Variants in WWP2 observed in about 807,000 individuals in gnomAD.
WWP2 encodes the protein WW domain containing E3 ubiquitin protein ligase 2, also known as NEDD4-like E3 ubiquitin-protein ligase WWP2.
A neutral mutation model predicts 121.0 loss-of-function variants in WWP2; 57 were observed. The observed-to-expected ratio is 0.47, with a 90% CI of 0.38 to 0.59. WWP2 has a LOEUF of 0.59. Among genes scored for constraint, WWP2 ranks in the 20% least tolerant of loss-of-function variants. The pLI, the probability that WWP2 is intolerant of heterozygous loss-of-function variation, is 0.00. For missense variants in WWP2, 962 were observed against 1,158.9 expected, an observed-to-expected ratio of 0.83 and a Z score of 2.47; for synonymous variants, 449 against 441.3, an observed-to-expected ratio of 1.02 and a Z score of -0.22.
chr16:69,929,568 G>A, intron 12 of WWP2, 39 bp downstream of exon 12: 4 of 1,587,964 alleles, frequency 2.5e-6, no homozygotes, highest in Non-Finnish European at 3.5e-6. Flanking sequence ...GGCTGGGCTG[G>A]GTCTCTGTGC....
chr16:69,764,269 G>T (rs1340990896), intron 1 of WWP2, among the ~76,000 whole-genome samples: 1 of 152,028 alleles, frequency 6.6e-6, no homozygotes, highest in Admixed American at 6.5e-5. Context: ...GCACAATCAC[G>T]GCTCACTGTA....
intron 7 of WWP2, among the ~76,000 whole-genome samples, chr16:69,881,713 A>G (rs1371929034): frequency 6.6e-6 from 1 of 152,238 alleles, no homozygotes; most frequent in African/African-American, 2.4e-5. Context: ...TATTTTTTAG[A>G]TAGAGCCTCA....
At chr16:69,936,786 C>T (rs533314667) in intron 19 of WWP2, 6 of 475,168 alleles carry the variant, frequency 1.3e-5, no homozygotes, top group East Asian at 7.7e-5. Context: ...CTAGACCCAC[C>T]GTCTCACGTG....
intron 6 of WWP2, among the ~76,000 whole-genome samples, chr16:69,843,471 A>T (rs765137236): frequency 6.6e-6 from 1 of 152,188 alleles, no homozygotes; most frequent in Non-Finnish European, 1.5e-5. Context: ...CCAGATATTT[A>T]GAGGACATTT....
chr16:69,785,661 C>T (rs2055771754), intron 1 of WWP2, among the ~76,000 whole-genome samples: 1 of 149,158 alleles, frequency 6.7e-6, no homozygotes, highest in South Asian at 2.1e-4. Flanking sequence ...GAGTCTTGCT[C>T]TGTCACCCAG....
intron 2 of WWP2, among the ~76,000 whole-genome samples, chr16:69,796,985 A>G (rs2056060597): frequency 6.6e-6 from 1 of 152,228 alleles, no homozygotes; most frequent in Admixed American, 6.5e-5. Context: ...ATTTGCTTAT[A>G]CTCAAACAGG....
chr16:69,931,311 G>GGAATGTTT (rs1368488405), intron 14 of WWP2, 84 bp downstream of exon 14: 26 of 1,566,774 alleles, frequency 1.7e-5, no homozygotes, highest in Non-Finnish European at 2.3e-5. Context: ...AGCAGGTATC[G>GGAATGTTT]GAATGTTTGT....
Position 69,908,834 on chromosome 16 carries a change from C to G in WWP2, c.988C>G (p.Arg330Gly). ...DHNTKTTTWERPLPPGWEKRT... is the reference protein window; with the variant it reads ...DHNTKTTTWEGPLPPGWEKRT... ...CAATACCAAGACCACCACCTGGGAG[C>G]GGCCCCTTCCTCCAGGGTAGGTCAT... Residue 330 changes from arginine (R) to glycine (G), a missense_variant, in exon 9 of 24, where the codon CGG (arginine) becomes GGG (glycine). Arg to Gly is a moderately radical substitution (Grantham distance 125). Around this residue, in one of 3 missense-constraint regions of WWP2, gnomAD observed 606 missense variants for 772.6 expected, o/e 0.78. Transcript: ENST00000359154. 1.2e-6 allele frequency: 2 copies of G among 1,614,184 alleles called. No homozygotes were observed. Among genetic ancestry groups the G allele is most frequent in the East Asian group, 4.5e-5 (2 of 44,882 alleles).
chr16:69,838,630 C>G (rs909350277), intron 4 of WWP2: 2 of 659,364 alleles, frequency 3.0e-6, no homozygotes, highest in South Asian at 6.8e-5. Flanking sequence ...TCCCAAGTGG[C>G]CACTCCCAGG....
chr16:69,936,238 C>T lies in WWP2; in HGVS notation c.1977-74C>T. 6.3e-6 allele frequency: 10 copies of T among 1,592,242 alleles called. 1 individual carries two copies. Among genetic ancestry groups the T allele is most frequent in the Middle Eastern group, 1.7e-4 (1 of 5,958 alleles). ...CCACCTGTGGGCCCTTGGTGTCCCA[C>T]GGGCAACAGAGCAGGATCCAGGAAA... On this transcript the variant is annotated intron_variant, in intron 18 of 23. Coordinates refer to ENST00000359154, the MANE Select transcript of WWP2 (RefSeq NM_001270454.2).
intron 7 of WWP2, among the ~76,000 whole-genome samples, chr16:69,874,131 C>T (rs530409045): frequency 1.3e-5 from 2 of 152,304 alleles, no homozygotes; most frequent in South Asian, 4.1e-4. Context: ...TTTCTGCCCA[C>T]TCCAGTGCTG....
chr16:69,909,118 G>A (rs551458716), intron 9 of WWP2: 1 of 1,143,446 alleles, frequency 8.7e-7, no homozygotes, highest in African/African-American at 1.6e-5. Flanking sequence ...CCTATGCCCA[G>A]CCTGTCCCTA....
intron 1 of WWP2, chr16:69,774,600 G>A (rs1178868332): frequency 4.6e-5 from 7 of 152,152 alleles, no homozygotes; most frequent in African/African-American, 1.7e-4. Flanking sequence ...GATACTCTCA[G>A]TTTCTTCCTT....
intron 9 of WWP2, among the ~76,000 whole-genome samples, chr16:69,912,306 C>A (rs199955520): frequency 0.045 from 6,542 of 145,822 alleles, 284 homozygotes; most frequent in Admixed American, 0.12. Flanking sequence ...AAAAACAAAA[C>A]AAAACCTCAT....
intron 4 of WWP2, among the ~76,000 whole-genome samples, chr16:69,808,259 T>C (rs766717512): frequency 9.9e-5 from 15 of 152,098 alleles, no homozygotes; most frequent in Non-Finnish European, 2.2e-4. Context: ...TTTTTTTGCA[T>C]GTGTCAATAG....
chr16:69,939,423 C>T lies in WWP2; in HGVS notation c.2513+10C>T. On this transcript the variant is annotated intron_variant, in intron 23 of 23. Coordinates refer to ENST00000359154, the MANE Select transcript of WWP2 (RefSeq NM_001270454.2). ...CCAGAAGCCACACCTGGTGAGCCTG[C>T]TGGTTTTAGTGGGAGGTCGGGGGGC... 6.2e-7 allele frequency: 1 copy of T among 1,614,056 alleles called. No homozygotes were observed. The highest frequency in any genetic ancestry group is 8.5e-7 in the Non-Finnish European group (1 of 1,179,974).
intron 4 of WWP2, chr16:69,838,989 C>A: frequency 1.1e-5 from 5 of 435,692 alleles, no homozygotes; most frequent in Non-Finnish European, 1.4e-5. Flanking sequence ...TTAGAGCAGT[C>A]TTTTTTGGGG....
Position 69,935,891 on chromosome 16 carries a change from C to A in WWP2, c.1881C>A (p.Thr627=). 2 of 1,614,026 alleles carry A rather than the reference C, an allele frequency of 1.2e-6. No homozygotes were observed. The highest frequency in any genetic ancestry group is 1.7e-5 in the Admixed American group (1 of 60,008). Residue 627 remains threonine, a synonymous_variant, in exon 18 of 24, where the codon ACC becomes ACA. Transcript: ENST00000359154. The surrounding 1 kb of genome is among the most constrained non-coding windows in gnomAD (Gnocchi z 5.2). ...GAAAGTTCATCGACACGGGCTTCAC[C>A]CTCCCTTTCTACAAGCGGATGCTCA... The part of the protein sequence containing the change: ...YHGKFIDTGF[T]LPFYKRMLNK...
intron 4 of WWP2, among the ~76,000 whole-genome samples, chr16:69,805,400 AT>A (rs2056254305): frequency 6.6e-6 from 1 of 152,002 alleles, no homozygotes; most frequent in South Asian, 2.1e-4. Context: ...AGATAATTAT[AT>A]TTCTATTTTG....
Sources: gnomAD v4.1 joint callset for allele counts (sites outside exome capture counted in the v4.1 genomes callset) on GRCh38, gnomAD v4.1.1 for gene constraint, gnomAD v4.1.1 regional missense constraint, Gnocchi (gnomAD v3.1) non-coding constraint, MANE v1.5 for transcripts, NCBI Gene and HGNC (gene_info 2026-07-23, HGNC 2026-07-21) for gene names.